Variants in WDR88 observed in about 807,000 individuals in gnomAD.
The protein encoded by WDR88 is WD repeat-containing protein 88.
WDR88 carries 40 observed loss-of-function variants against 46.8 expected under a neutral mutation model. The ratio of observed to expected loss-of-function variants is 0.86; its 90% CI spans 0.66 to 1.11. The LOEUF (loss-of-function observed/expected upper bound fraction) is 1.11, where lower values mean the gene tolerates loss of function less well. Among genes scored for constraint, WDR88 ranks in the 50% most tolerant of loss-of-function variants. The probability of loss-of-function intolerance (pLI) is 0.00; values close to 1 mark genes in which losing one functional copy is unlikely to be tolerated. For synonymous variants in WDR88, 235 were observed against 240.7 expected (o/e 0.98, Z 0.22); for missense variants, 562 against 602.4 (o/e 0.93, Z 0.70).
chr19:33,146,432 TTTCC>T (rs146586878), intron 3 of WDR88, among the ~76,000 whole-genome samples: 2,467 of 146,572 alleles, frequency 0.017, 49 homozygotes, highest in African/African-American at 0.045. Context: ...TTAGGTCCTA[TTTCC>T]TTCCTTCCTT....
At chr19:33,151,032 T>C in intron 5 of WDR88, 149 bp from the exon 6 acceptor site, 1 of 925,434 alleles carries the variant, frequency 1.1e-6, no homozygotes, top group Non-Finnish European at 1.6e-6. Context: ...GACATAGTAG[T>C]CACTCAGGAA....
chr19:33,137,762 C>T lies in WDR88; in HGVS notation c.362C>T (p.Ser121Phe). The change falls in exon 2 of 11, where the codon TCC becomes TTC. Residue 121 changes from serine (S) to phenylalanine (F), a missense_variant. Physicochemically the swap from Ser to Phe is radical, Grantham distance 155. Coordinates refer to ENST00000355868, the MANE Select transcript of WDR88 (RefSeq NM_173479.4). The part of the protein sequence containing the change: ...CVDDTKLLSG[S>F]YDCTVKLWDP... ...GATGACACAAAGCTCCTCAGTGGCT[C>T]CTATGACTGCACTGTGAAGCTGTGG... The T allele has an allele frequency of 1.2e-6, 2 of 1,613,546 alleles. No individual in the cohort carries two copies. Among genetic ancestry groups the T allele is most frequent in the Non-Finnish European group, 1.7e-6 (2 of 1,180,004 alleles).
intron 10 of WDR88, among the ~76,000 whole-genome samples, chr19:33,174,025 T>C (rs1974083750): frequency 6.6e-6 from 1 of 151,988 alleles, no homozygotes; most frequent in Non-Finnish European, 1.5e-5. Flanking sequence ...AATTGTTTTG[T>C]GTTTTTATTA....
At chr19:33,167,873 T>G (rs1973979618) in intron 9 of WDR88, among the ~76,000 whole-genome samples, 2 of 151,740 alleles carry the variant, frequency 1.3e-5, no homozygotes, top group South Asian at 4.2e-4. Context: ...GCAACCTCCA[T>G]CTCCTGGGTT....
intron 6 of WDR88, among the ~76,000 whole-genome samples, chr19:33,152,234 A>AATATATAT (rs58282641): frequency 5.0e-4 from 74 of 147,480 alleles, no homozygotes; most frequent in Middle Eastern, 3.5e-3. Context: ...TCTGTCTCAA[A>AATATATAT]ATATATATAT....
intron 1 of WDR88, among the ~76,000 whole-genome samples, chr19:33,137,108 T>C (rs1362793928): frequency 2.0e-5 from 2 of 99,814 alleles, no homozygotes; most frequent in Non-Finnish European, 3.4e-5. Context: ...TTTTCTTTCT[T>C]CTTCTTTTTT....
chr19:33,142,958 C>T (rs1042243384), intron 2 of WDR88, among the ~76,000 whole-genome samples: 2 of 151,446 alleles, frequency 1.3e-5, no homozygotes, highest in African/African-American at 4.9e-5. Context: ...CCATCCCATC[C>T]CCTGGGCAAT....
In WDR88 at chr19:33,172,424, G is replaced by A. The variant is rs777013462; in HGVS notation, c.1226G>A (p.Gly409Asp). 3 of 1,613,992 alleles carry A rather than the reference G, an allele frequency of 1.9e-6. No individual in the cohort carries two copies. The Admixed American group carries it at 5.0e-5, about 27-fold the overall frequency. ...PLVIKYKKAV[G>D]LKLKQCERCD... is the part of the protein sequence containing the mutation. Reference sequence around the variant, plus strand: ...GTAATCAAGTACAAAAAGGCCGTGGGCTTAAAGTTGAAACAGGTTGGTATT... The same window carrying A: ...GTAATCAAGTACAAAAAGGCCGTGGACTTAAAGTTGAAACAGGTTGGTATT... The change falls in exon 10 of 11, where the codon GGC becomes GAC. Residue 409 changes from glycine to aspartate, a missense_variant. Physicochemically the swap from Gly to Asp is moderately conservative, Grantham distance 94 (BLOSUM62 -1). Transcript: ENST00000355868.
At position 33,156,517 on chromosome 19, in the gene WDR88, CA is replaced by C. The variant is rs1403972086; in HGVS notation, c.973del (p.Ser325ValfsTer26). On this transcript the variant is annotated frameshift_variant, in exon 7 of 11. Transcript: ENST00000355868. LOFTEE classifies it high-confidence loss of function. ...TGATGCAGGGCCATGAAGGTTCTGT[CA>C]GTTCCTGTCACTTTGCCAGAGACAG... Reference protein sequence around the residue: ...TLMQGHEGSVSSCHFARDSSF... With the variant: ...TLMQGHEGSVXSCHFARDSSF... 1.2e-6 allele frequency: 2 copies of C among 1,613,424 alleles called. No individual in the cohort carries two copies. The highest frequency in any genetic ancestry group is 2.7e-5 in the African/African-American group (2 of 74,856).
chr19:33,175,436 A>G lies in WDR88; in HGVS notation c.1283A>G (p.Asp428Gly). 1 of 1,614,170 alleles carries G rather than the reference A, an allele frequency of 6.2e-7. No individual in the cohort carries two copies. Among genetic ancestry groups the G allele is most frequent in the Non-Finnish European group, 8.5e-7 (1 of 1,180,022 alleles). ...CDRPFSIFKS[D>G]TSSEMFTQCV... ...AGGCCTTTCTCCATCTTCAAGAGTG[A>G]CACCTCTTCTGAAATGTTCACCCAA... The change falls in exon 11 of 11, where the codon GAC (aspartate) becomes GGC (glycine). Residue 428 changes from aspartate (D) to glycine (G), a missense_variant. Coordinates refer to ENST00000355868, the MANE Select transcript of WDR88 (RefSeq NM_173479.4).
At chr19:33,143,342 A>G (rs1313368383) in intron 2 of WDR88, among the ~76,000 whole-genome samples, 1 of 142,316 alleles carries the variant, frequency 7.0e-6, no homozygotes, top group East Asian at 2.0e-4. Flanking sequence ...AGTGTCAAAA[A>G]AAAAAAAAAA....
chr19:33,174,130 G>T, intron 10 of WDR88: 1 of 1,533,014 alleles, frequency 6.5e-7, no homozygotes. Context: ...GGGACTACAG[G>T]CGCAAGCTAT....
At chr19:33,157,733 AT>A (rs1445904556) in intron 7 of WDR88, among the ~76,000 whole-genome samples, 1 of 51,582 alleles carries the variant, frequency 1.9e-5, no homozygotes, top group East Asian at 9.9e-4. Flanking sequence ...ATATATATAT[AT>A]ATAAAATTAA....
Position 33,132,429 on chromosome 19 carries a change from A to G in WDR88, c.260A>G (p.Gln87Arg). ...CCGGAGAAATTGATCTGGGGCGACC[A>G]GGACCCTCTCTCCAAGGTCAGAACC... is the stretch of plus-strand genomic sequence containing the variant. Reference protein sequence around the residue: ...QVPEKLIWGDQDPLSKIPFKI... With the variant: ...QVPEKLIWGDRDPLSKIPFKI... Residue 87 changes from glutamine to arginine, a missense_variant, in exon 1 of 11, where the codon CAG becomes CGG. Physicochemically the swap from Gln to Arg is conservative, Grantham distance 43 (BLOSUM62 1). Coordinates refer to ENST00000355868, the MANE Select transcript of WDR88 (RefSeq NM_173479.4). 6.2e-7 allele frequency: 1 copy of G among 1,613,978 alleles called. No individual in the cohort carries two copies. The highest frequency in any genetic ancestry group is 8.5e-7 in the Non-Finnish European group (1 of 1,179,960).
In WDR88 at chr19:33,164,298, G is replaced by A. The variant is rs758281387; in HGVS notation, c.1149+33G>A. The A allele has an allele frequency of 3.8e-6, 6 of 1,594,630 alleles. No homozygotes were observed. The East Asian group carries it at 6.7e-5, about 18-fold the overall frequency. ...TGGTCAAGCTTACAATATCGATCAC[G>A]TTCGCCAGGATTGGTGATAGTGGAA... On this transcript the variant is annotated intron_variant, in intron 9 of 10. Coordinates refer to ENST00000355868, the MANE Select transcript of WDR88 (RefSeq NM_173479.4).
At chr19:33,137,434 G>A (rs1324244456) in intron 1 of WDR88, among the ~76,000 whole-genome samples, 1 of 151,964 alleles carries the variant, frequency 6.6e-6, no homozygotes, top group Non-Finnish European at 1.5e-5. Context: ...TGTATTTTTA[G>A]TAGAGATGGA....
Position 33,156,377 on chromosome 19 carries a change from A to G in WDR88, c.832A>G (p.Asn278Asp). ...ITKAHSNAIS[N>D]CCFTFSGHFL... ...CAGGGCACATTCCAATGCAATCTCA[A>G]ACTGCTGTTTTACCTTCAGTGGCCA... The change falls in exon 7 of 11, where the codon AAC becomes GAC. Residue 278 changes from asparagine to aspartate, a missense_variant. Transcript: ENST00000355868. 1 of 1,614,062 alleles carries G rather than the reference A, an allele frequency of 6.2e-7. No homozygotes were observed. The highest frequency in any genetic ancestry group is 1.3e-5 in the African/African-American group (1 of 75,036).
chr19:33,133,216 GAAAGAAAGAAAAAGAAAA>G (rs1973174807), intron 1 of WDR88, among the ~76,000 whole-genome samples: 3 of 148,578 alleles, frequency 2.0e-5, no homozygotes, highest in Non-Finnish European at 4.4e-5. Flanking sequence ...GAGAGAGAAA[GAAAGAAAGAAAAAGAAAA>G]AGAAAGAAAG....
intron 9 of WDR88, among the ~76,000 whole-genome samples, chr19:33,166,406 G>A (rs1335233025): frequency 1.3e-5 from 2 of 151,224 alleles, no homozygotes; most frequent in African/African-American, 4.9e-5. Flanking sequence ...CCTAGGCAAC[G>A]TGGCAAAACC....
Sources: allele counts gnomAD v4.1 joint callset (sites outside exome capture counted in the v4.1 genomes callset), GRCh38; gene constraint gnomAD v4.1.1; transcripts MANE v1.5; gene names NCBI Gene and HGNC (gene_info 2026-07-23, HGNC 2026-07-21).